The following ARIH1 variants were observed in gnomAD, a reference collection of about 807,000 sequenced individuals.
ARIH1 encodes ariadne RBR E3 ubiquitin protein ligase 1.
A neutral mutation model predicts 85.0 loss-of-function variants in ARIH1; 8 were observed. That is an observed-to-expected ratio of 0.09 (90% confidence interval 0.06 to 0.17). The LOEUF is 0.17. Ranked by LOEUF, ARIH1 falls within the 10% of genes least tolerant of loss-of-function variation. The probability of loss-of-function intolerance (pLI) is 1.00; values close to 1 mark genes in which losing one functional copy is unlikely to be tolerated. For missense variants in ARIH1, 311 were observed against 718.1 expected, an observed-to-expected ratio of 0.43 and a Z score of 6.48; for synonymous variants, 238 against 253.6, an observed-to-expected ratio of 0.94 and a Z score of 0.59.
chr15:72,476,827 C>T (rs2063796949), intron 1 of ARIH1, among the ~76,000 whole-genome samples: 1 of 152,194 alleles, frequency 6.6e-6, no homozygotes, highest in Non-Finnish European at 1.5e-5. Context: ...TGGAACCATA[C>T]TGTATGTTCT....
intron 1 of ARIH1, among the ~76,000 whole-genome samples, chr15:72,515,788 A>T (rs1235592378): frequency 1.3e-5 from 2 of 151,986 alleles, no homozygotes; most frequent in African/African-American, 2.4e-5. Flanking sequence ...ACTTCTTTGG[A>T]TCTGTTCCAT....
chr15:72,541,086 C>T (rs1051871979), intron 2 of ARIH1, among the ~76,000 whole-genome samples: 17 of 152,220 alleles, frequency 1.1e-4, no homozygotes, highest in African/African-American at 3.9e-4. Context: ...TGGGAGCCCA[C>T]GCTATTTATT....
Position 72,594,808 on chromosome 15 carries a change from C to CTTTTTTTTTT in ARIH1, c.*11518_*11519insTTTTTTTTTT, listed in dbSNP as rs1595878638. The CTTTTTTTTTT allele has an allele frequency of 2.4e-5, 1 of 41,014 alleles. No homozygotes were observed. The highest frequency in any genetic ancestry group is 1.1e-4 in the African/African-American group (1 of 9,124). 2.5% of individuals were successfully genotyped at this position (41,014 alleles called of 1,614,324 possible). On this transcript the variant is annotated 3_prime_UTR_variant, in exon 14 of 14. Coordinates refer to ENST00000379887, the MANE Select transcript of ARIH1 (RefSeq NM_005744.5). ...TTCTTTTTCTGATTTTATGCCTTTT[C>CTTTTTTTTTT]TTCTTTTTTTTTTTTTTTTTTTTTT...
At chr15:72,489,247 CAAAAAAAAAAA>C (rs3028452) in intron 1 of ARIH1, among the ~76,000 whole-genome samples, 2 of 84,068 alleles carry the variant, frequency 2.4e-5, no homozygotes, top group Admixed American at 1.5e-4. Context: ...GACCATGTCT[CAAAAAAAAAAA>C]AAAAAAAAAA....
intron 2 of ARIH1, among the ~76,000 whole-genome samples, chr15:72,531,450 T>A (rs2064056379): frequency 6.6e-6 from 1 of 152,006 alleles, no homozygotes; most frequent in South Asian, 2.1e-4. Flanking sequence ...GTATTTTTAG[T>A]AGAGATGGGG....
At chr15:72,510,957 C>T (rs1447002689) in intron 1 of ARIH1, among the ~76,000 whole-genome samples, 2 of 151,810 alleles carry the variant, frequency 1.3e-5, no homozygotes, top group African/African-American at 4.8e-5. Flanking sequence ...TTTGGCCACT[C>T]TAGTTTCCTT....
intron 1 of ARIH1, among the ~76,000 whole-genome samples, chr15:72,499,324 GA>G (rs540648344): frequency 1.1e-3 from 156 of 140,466 alleles, no homozygotes; most frequent in Middle Eastern, 3.6e-3. Flanking sequence ...TTATTTGTAA[GA>G]AAAAAAAAAA....
intron 2 of ARIH1, among the ~76,000 whole-genome samples, chr15:72,535,773 G>A (rs1158027541): frequency 6.6e-6 from 1 of 152,132 alleles, no homozygotes; most frequent in East Asian, 1.9e-4. Context: ...AGAGGGTGTA[G>A]ATTTCCTTTA....
intron 3 of ARIH1, among the ~76,000 whole-genome samples, chr15:72,548,629 C>T (rs1434124759): frequency 6.6e-6 from 1 of 152,162 alleles, no homozygotes; most frequent in Non-Finnish European, 1.5e-5. Context: ...CTAGGATGTC[C>T]TTTCCTCATA....
intron 1 of ARIH1, among the ~76,000 whole-genome samples, chr15:72,506,351 CAAAAAA>C (rs71134002): frequency 1.4e-5 from 1 of 73,096 alleles, no homozygotes; most frequent in Admixed American, 2.4e-4. Flanking sequence ...CTCCGTCTCA[CAAAAAA>C]AAAAAAAAGA....
intron 1 of ARIH1, among the ~76,000 whole-genome samples, chr15:72,504,685 G>A (rs1170623739): frequency 5.3e-5 from 8 of 152,192 alleles, no homozygotes; most frequent in Middle Eastern, 6.8e-3. Context: ...GACATTATTC[G>A]GAAAGAACCA....
Position 72,474,682 on chromosome 15 carries a change from G to T in ARIH1, c.43G>T (p.Glu15Ter). 1 of 1,574,730 alleles carries T rather than the reference G, an allele frequency of 6.4e-7. No individual in the cohort carries two copies. ...EGYNYEFDED[E>*]ECSEEDSGAE... ...CTACAACTACGAGTTCGACGAGGAC[G>T]AGGAGTGCAGTGAGGAGGACAGCGG... is the stretch of plus-strand genomic sequence containing the variant. The change falls in exon 1 of 14, where the codon GAG becomes TAG. Residue 15 changes from glutamate (E) to a stop codon, truncating the protein, a stop_gained. Transcript: ENST00000379887. LOFTEE classifies it high-confidence loss of function.
At chr15:72,547,381 G>A (rs190299646) in intron 3 of ARIH1, among the ~76,000 whole-genome samples, 3 of 151,346 alleles carry the variant, frequency 2.0e-5, no homozygotes, top group African/African-American at 4.9e-5. Flanking sequence ...TACAAGCGCC[G>A]GCCACCACAC....
Position 72,555,512 on chromosome 15 carries a change from G to A in ARIH1, c.681+149G>A, listed in dbSNP as rs369837003. ...TAAAGATAATAGGCTTTTTCCTAAA[G>A]TAATGTGGCATTCCAGTTAAAGAGC... On this transcript the variant is annotated intron_variant, in intron 4 of 13. Coordinates refer to ENST00000379887, the MANE Select transcript of ARIH1 (RefSeq NM_005744.5). 629 of 651,718 alleles carry A rather than the reference G, an allele frequency of 9.7e-4. 1 individual carries two copies. Among genetic ancestry groups the A allele is most frequent in the Non-Finnish European group, 1.4e-3 (524 of 384,112 alleles). 40.4% of individuals were successfully genotyped at this position (651,718 alleles called of 1,614,324 possible). A position where few individuals can be genotyped will look rare whatever the true frequency, so the allele number is the denominator to read the frequency against.
chr15:72,557,327 A>G (rs1460744993), intron 5 of ARIH1, among the ~76,000 whole-genome samples: 3 of 151,956 alleles, frequency 2.0e-5, no homozygotes, highest in African/African-American at 7.3e-5. Flanking sequence ...AAGCAAGTTT[A>G]TTAGAGAAGT....
Position 72,602,177 on chromosome 15 carries a change from GAATA to G in ARIH1, c.*18889_*18892del, listed in dbSNP as rs1420324082. 6.6e-6 allele frequency: 1 copy of G among 152,186 alleles called. No homozygotes were observed. The highest frequency in any genetic ancestry group is 1.5e-5 in the Non-Finnish European group (1 of 68,034). The allele number at this position is 152,186 out of a possible 1,614,324, so 9.4% of individuals were successfully genotyped here. Reference sequence around the variant, plus strand: ...GTCATTTCCCACATCTATGCCTATAGAATAAATTACTAGAATTGAAATAATTCAG... The same window carrying G: ...GTCATTTCCCACATCTATGCCTATAGAATTACTAGAATTGAAATAATTCAG... On this transcript the variant is annotated 3_prime_UTR_variant, in exon 14 of 14. Coordinates refer to ENST00000379887, the MANE Select transcript of ARIH1 (RefSeq NM_005744.5).
chr15:72,525,814 A>G (rs949506462), intron 2 of ARIH1, among the ~76,000 whole-genome samples: 4 of 150,060 alleles, frequency 2.7e-5, no homozygotes, highest in East Asian at 1.9e-4. Flanking sequence ...TTTTTTCTCA[A>G]TTTTTTTGTA....
chr15:72,486,990 A>C (rs1054483856), intron 1 of ARIH1, among the ~76,000 whole-genome samples: 4 of 152,040 alleles, frequency 2.6e-5, no homozygotes, highest in Non-Finnish European at 5.9e-5. Context: ...CACTGTGCCC[A>C]GCCTGACAAT....
intron 6 of ARIH1, among the ~76,000 whole-genome samples, chr15:72,562,735 T>G (rs1027243349): frequency 2.0e-5 from 3 of 152,110 alleles, no homozygotes; most frequent in African/African-American, 7.2e-5. Flanking sequence ...TTTTCTTGTG[T>G]CTTTTGAAAA....
Sources: gnomAD v4.1 joint callset for allele counts (sites outside exome capture counted in the v4.1 genomes callset) on GRCh38, gnomAD v4.1.1 for gene constraint, MANE v1.5 for transcripts, NCBI Gene and HGNC (gene_info 2026-07-23, HGNC 2026-07-21) for gene names.